MTR: variants seen among roughly 807,000 people sequenced by gnomAD.
MTR encodes methionine synthase.
Under a neutral mutation model 154.8 loss-of-function variants are expected in MTR, and 84 were observed. The ratio of observed to expected loss-of-function variants is 0.54; its 90% CI spans 0.45 to 0.65. The LOEUF is 0.65. Ranked by LOEUF, MTR falls within the 30% of genes least tolerant of loss-of-function variation. MTR has a pLI of 0.00. For synonymous variants in MTR, 554 were observed against 553.9 expected (o/e 1.00, Z 0.00); for missense variants, 1,275 against 1,570.2 (o/e 0.81, Z 3.18).
Position 236,826,690 on chromosome 1 carries a change from T to C in MTR, c.928-139T>C. On this transcript the variant is annotated intron_variant, in intron 10 of 32. Coordinates refer to ENST00000366577, the MANE Select transcript of MTR (RefSeq NM_000254.3). ...CTAGGGCATGTGATATCTTTGTATCTAGAGTTAAGTATGTTTGACTCTCTT... is the reference window on the plus strand; with the variant it reads ...CTAGGGCATGTGATATCTTTGTATCCAGAGTTAAGTATGTTTGACTCTCTT... The C allele has an allele frequency of 5.5e-6, 4 of 727,488 alleles. No homozygotes were observed. In the East Asian group the frequency reaches 1.1e-4, roughly 19 times the overall value. 45.1% of individuals were successfully genotyped at this position (727,488 alleles called of 1,614,324 possible).
chr1:236,850,708 CA>C (rs1663847594), intron 16 of MTR, among the ~76,000 whole-genome samples, 185 bp downstream of exon 16: 1 of 152,118 alleles, frequency 6.6e-6, no homozygotes, highest in Non-Finnish European at 1.5e-5. Flanking sequence ...ACTTGTGTAA[CA>C]AACAGACTGG....
chr1:236,796,992 TAAAATACTGTG>T (rs1259555371), intron 1 of MTR, among the ~76,000 whole-genome samples: 1 of 151,916 alleles, frequency 6.6e-6, no homozygotes, highest in Non-Finnish European at 1.5e-5. Context: ...ACTGAAGACT[TAAAATACTGTG>T]AATAGTGAGT....
At chr1:236,879,455 A>C (rs936721393) in intron 24 of MTR, among the ~76,000 whole-genome samples, 3 of 152,224 alleles carry the variant, frequency 2.0e-5, no homozygotes, top group African/African-American at 7.2e-5. Flanking sequence ...TCGAGGGGGA[A>C]GAATATGAAA....
chr1:236,809,118 TG>T (rs1275220097), intron 4 of MTR, among the ~76,000 whole-genome samples: 1 of 152,236 alleles, frequency 6.6e-6, no homozygotes, highest in African/African-American at 2.4e-5. Context: ...AAGTAACAGC[TG>T]GCTGTTTTGA....
intron 5 of MTR, 111 bp downstream of exon 5, chr1:236,810,706 G>T (rs1661251911): frequency 1.1e-6 from 1 of 909,480 alleles, no homozygotes; most frequent in African/African-American, 1.6e-5. Context: ...TAGAGTTACT[G>T]TGATTTAATC....
chr1:236,856,531 CTATTAT>C (rs1233163766), intron 18 of MTR, among the ~76,000 whole-genome samples: 1 of 141,874 alleles, frequency 7.0e-6, no homozygotes, highest in Non-Finnish European at 1.5e-5. Context: ...TTTTCTTCTT[CTATTAT>C]TATTATTTTT....
At chr1:236,866,672 CT>C (rs1035085993) in intron 22 of MTR, among the ~76,000 whole-genome samples, 2 of 152,162 alleles carry the variant, frequency 1.3e-5, no homozygotes, top group Admixed American at 6.5e-5. Context: ...AAGAAAAGTT[CT>C]TAAAGGAAAT....
intron 15 of MTR, among the ~76,000 whole-genome samples, chr1:236,840,464 G>A (rs1663163082): frequency 6.6e-6 from 1 of 152,192 alleles, no homozygotes; most frequent in Non-Finnish European, 1.5e-5. Flanking sequence ...CTAAATGGTC[G>A]AGTGAAGAGG....
In MTR at chr1:236,838,439, A is replaced by G. The variant is rs1663032264; in HGVS notation, c.1355A>G (p.Asn452Ser). 3.1e-6 allele frequency: 5 copies of G among 1,614,036 alleles called. No homozygotes were observed. The highest frequency in any genetic ancestry group is 1.6e-4 in the Middle Eastern group (1 of 6,062). The change falls in exon 15 of 33, where the codon AAT (asparagine) becomes AGT (serine). Residue 452 changes from asparagine (N) to serine (S), a missense_variant. Transcript: ENST00000366577. ...AKVPLCIDSSNFAVIEAGLKC... is the reference protein window; with the variant it reads ...AKVPLCIDSSSFAVIEAGLKC... ...GTACCTTTGTGCATCGACTCCTCCA[A>G]TTTTGCTGTGATTGAAGCTGGGTTA... is the stretch of plus-strand genomic sequence containing the variant.
intron 7 of MTR, among the ~76,000 whole-genome samples, chr1:236,816,103 T>G (rs1039373564): frequency 6.6e-6 from 1 of 152,242 alleles, no homozygotes; most frequent in African/African-American, 2.4e-5. Flanking sequence ...GGGTGTTAGA[T>G]AAATCCAATG....
intron 15 of MTR, among the ~76,000 whole-genome samples, chr1:236,847,813 G>A (rs1168088755): frequency 1.3e-5 from 2 of 152,206 alleles, no homozygotes. Context: ...AACCAGAGTT[G>A]AAAGCCCTTC....
At chr1:236,889,070 C>A in intron 27 of MTR, 111 bp from the exon 28 acceptor site, 1 of 1,312,660 alleles carries the variant, frequency 7.6e-7, no homozygotes, top group Non-Finnish European at 1.1e-6. Context: ...CTACGGGTGA[C>A]AGGAGGGAGG....
intron 14 of MTR, among the ~76,000 whole-genome samples, chr1:236,837,276 T>C (rs1171300495): frequency 6.6e-6 from 1 of 151,690 alleles, no homozygotes; most frequent in Non-Finnish European, 1.5e-5. Flanking sequence ...GTGCCTTTTC[T>C]TTTTTGCTCG....
chr1:236,799,934 T>C (rs940103303), intron 1 of MTR: 24 of 429,370 alleles, frequency 5.6e-5, no homozygotes, highest in Non-Finnish European at 1.2e-5. Flanking sequence ...TTTAAACAGC[T>C]TTTGATCTCT....
In MTR at chr1:236,897,755, TA is replaced by T. The variant is rs1572354455; in HGVS notation, c.*112del. 4 of 961,668 alleles carry T rather than the reference TA, an allele frequency of 4.2e-6. No individual in the cohort carries two copies. The highest frequency in any genetic ancestry group is 6.5e-6 in the Non-Finnish European group (4 of 611,308). 59.6% of individuals were successfully genotyped at this position (961,668 alleles called of 1,614,324 possible). ...AACCTGTGTGCATCTGGCTGACACT[TA>T]CCTGCTTCTGGTTTTCGAAGACTAT... On this transcript the variant is annotated 3_prime_UTR_variant, in exon 33 of 33. Transcript: ENST00000366577.
chr1:236,875,180 G>C (rs1163573394), intron 24 of MTR, among the ~76,000 whole-genome samples: 2 of 152,240 alleles, frequency 1.3e-5, no homozygotes, highest in African/African-American at 4.8e-5. Flanking sequence ...TGGAGAAGCT[G>C]TGTTTTTTGG....
At chr1:236,823,363 A>G (rs909790548) in intron 8 of MTR, among the ~76,000 whole-genome samples, 2 of 152,268 alleles carry the variant, frequency 1.3e-5, no homozygotes, top group East Asian at 3.9e-4. Context: ...TCAGTTCTCA[A>G]AAAGTTTCAT....
intron 32 of MTR, among the ~76,000 whole-genome samples, 192 bp downstream of exon 32, chr1:236,897,310 G>GCGCGCGCGCACGCGCGCACACACACA: frequency 7.8e-6 from 1 of 128,612 alleles, no homozygotes; most frequent in Admixed American, 7.6e-5. Flanking sequence ...CCACACACAC[G>GCGCGCGCGCACGCGCGCACACACACA]CACACACACA....
At position 236,795,667 on chromosome 1, in the gene MTR, C is replaced by T. The variant is rs1264937473; in HGVS notation, c.-37C>T. The T allele has an allele frequency of 6.2e-7, 1 of 1,613,464 alleles. No homozygotes were observed. The highest frequency in any genetic ancestry group is 8.5e-7 in the Non-Finnish European group (1 of 1,179,978). On this transcript the variant is annotated 5_prime_UTR_variant, in exon 1 of 33. Coordinates refer to ENST00000366577, the MANE Select transcript of MTR (RefSeq NM_000254.3). ...GTCACCTGTGGAGAGCACGTCTTCT[C>T]TGCCGCGCCCTCTGCGCAAGGAGGA...
Sources: allele counts gnomAD v4.1 joint callset (sites outside exome capture counted in the v4.1 genomes callset), GRCh38; gene constraint gnomAD v4.1.1; transcripts MANE v1.5; gene names NCBI Gene and HGNC (gene_info 2026-07-23, HGNC 2026-07-21).